Variants in CSMD1 observed in about 807,000 individuals in gnomAD.
CSMD1 encodes CUB and sushi domain-containing protein 1.
CSMD1 carries 213 observed loss-of-function variants against 417.5 expected under a neutral mutation model. That is an observed-to-expected ratio of 0.51 (90% CI 0.46 to 0.57). CSMD1 has a LOEUF of 0.57. Among genes scored for constraint, CSMD1 ranks in the 20% least tolerant of loss-of-function variants. The pLI is 0.00. For missense variants in CSMD1, 6,923 were observed against 4,529.7 expected (o/e 1.53, Z -15.17); for synonymous variants, 2,862 against 1,736.8 (o/e 1.65, Z -16.11).
chr8:4,162,724 AAT>A, intron 3 of CSMD1, among the ~76,000 whole-genome samples: 2 of 152,158 alleles, frequency 1.3e-5, no homozygotes, highest in African/African-American at 4.8e-5. Flanking sequence ...CATTTGTTCC[AAT>A]CGATGAACTT....
intron 16 of CSMD1, among the ~76,000 whole-genome samples, chr8:3,396,648 AC>A (rs1275612413): frequency 6.6e-6 from 1 of 152,188 alleles, no homozygotes; most frequent in African/African-American, 2.4e-5. Flanking sequence ...TTCAGCTTAA[AC>A]AAAAATACTA....
chr8:3,611,151 G>T (rs1043025837), intron 8 of CSMD1, among the ~76,000 whole-genome samples: 1 of 151,460 alleles, frequency 6.6e-6, no homozygotes, highest in African/African-American at 2.4e-5. Flanking sequence ...GTTAATGGCT[G>T]CAGCACACCA....
At position 4,132,361 on chromosome 8, in the gene CSMD1, G is replaced by C. The variant is rs920330935; in HGVS notation, c.416-100262C>G. 9.9e-5 allele frequency among the ~76,000 whole-genome samples: 15 copies of C among 152,164 alleles called. No individual in the cohort carries two copies. The East Asian group carries it at 1.9e-3, about 20-fold the overall frequency. On this transcript the variant is annotated intron_variant, in intron 3 of 69. Transcript: ENST00000635120. ...AATGTCCTTTTCTGTATTTCTTGTA[G>C]AATACATCTTGACTTTGTGCCTATT...
intron 2 of CSMD1, among the ~76,000 whole-genome samples, chr8:4,466,010 C>A (rs937487026): frequency 5.3e-5 from 8 of 152,170 alleles, no homozygotes; most frequent in Non-Finnish European, 1.2e-4. Context: ...TAAAGATGTG[C>A]AATCACATTT....
At chr8:4,753,549 C>A (rs17418933) in intron 1 of CSMD1, among the ~76,000 whole-genome samples, 42,245 of 151,828 alleles carry the variant, frequency 0.28, 6,750 homozygotes, top group Admixed American at 0.44. Context: ...GTCTTGGGTT[C>A]ATGATTGCAC....
intron 3 of CSMD1, among the ~76,000 whole-genome samples, chr8:4,228,891 A>G (rs1801530563): frequency 6.6e-6 from 1 of 152,216 alleles, no homozygotes; most frequent in East Asian, 1.9e-4. Flanking sequence ...CAAGTTGGCC[A>G]GGCTGGTCTT....
chr8:3,897,365 C>T (rs370860102), intron 5 of CSMD1, among the ~76,000 whole-genome samples: 9 of 152,254 alleles, frequency 5.9e-5, no homozygotes, highest in African/African-American at 2.2e-4. Flanking sequence ...AACAGTGATT[C>T]CTACATTTGA....
chr8:3,649,891 A>G (rs1209256624), intron 7 of CSMD1, among the ~76,000 whole-genome samples: 1 of 152,204 alleles, frequency 6.6e-6, no homozygotes, highest in Non-Finnish European at 1.5e-5. Context: ...TTTGAATACT[A>G]TCTAGCCCAG....
intron 3 of CSMD1, among the ~76,000 whole-genome samples, chr8:4,311,400 C>G (rs566834578): frequency 2.1e-4 from 32 of 152,248 alleles, no homozygotes; most frequent in Non-Finnish European, 4.1e-4. Context: ...AATGCAGGAA[C>G]AGAAAACCAA....
At chr8:4,459,376 A>G (rs183919989) in intron 2 of CSMD1, among the ~76,000 whole-genome samples, 98 of 152,362 alleles carry the variant, frequency 6.4e-4, no homozygotes, top group Admixed American at 3.6e-3. Context: ...TTTACTCATG[A>G]AACAAGAATG....
chr8:3,399,463 T>C lies in CSMD1; in HGVS notation c.2333A>G (p.Tyr778Cys). ...CCATTCACAATGTAAAGAATCCTTA[T>C]AATATCCTGGCCATCCAGGAGGCAA... is the stretch of plus-strand genomic sequence containing the variant. ...VILPPGWPGY[Y>C]KDSLHCEWII... is the part of the protein sequence containing the mutation. The change falls in exon 16 of 70, where the codon TAT (tyrosine) becomes TGT (cysteine). Residue 778 changes from tyrosine (Y) to cysteine (C), a missense_variant. By Grantham distance (194) the Tyr-to-Cys change is radical. Coordinates refer to ENST00000635120, the MANE Select transcript of CSMD1 (RefSeq NM_033225.6). The C allele has an allele frequency of 1.9e-6, 3 of 1,610,560 alleles. No individual in the cohort carries two copies. Among genetic ancestry groups the C allele is most frequent in the Non-Finnish European group, 2.5e-6 (3 of 1,178,322 alleles).
intron 12 of CSMD1, among the ~76,000 whole-genome samples, chr8:3,433,770 T>C (rs1406021811): frequency 1.3e-5 from 2 of 152,216 alleles, no homozygotes; most frequent in Non-Finnish European, 2.9e-5. Flanking sequence ...TTTCCCTACG[T>C]AAGACTTCAG....
chr8:3,971,361 C>T (rs1011118452), intron 5 of CSMD1, among the ~76,000 whole-genome samples: 2 of 152,096 alleles, frequency 1.3e-5, no homozygotes, highest in African/African-American at 4.8e-5. Flanking sequence ...CTGTAATGTT[C>T]TGAAAATATA....
chr8:2,943,637 A>G (rs1802035810), intron 68 of CSMD1, among the ~76,000 whole-genome samples: 1 of 152,220 alleles, frequency 6.6e-6, no homozygotes. Context: ...CATGGCACTG[A>G]GAGGAAAGCA....
chr8:3,841,220 T>C (rs1275180260), intron 5 of CSMD1, among the ~76,000 whole-genome samples: 1 of 152,296 alleles, frequency 6.6e-6, no homozygotes, highest in South Asian at 2.1e-4. Context: ...TCAATAAACT[T>C]GTTTGGAAAG....
At chr8:3,267,271 C>T (rs997054967) in intron 26 of CSMD1, among the ~76,000 whole-genome samples, 1 of 152,196 alleles carries the variant, frequency 6.6e-6, no homozygotes, top group African/African-American at 2.4e-5. Context: ...GAAGGGAAAC[C>T]CCCTGATAGC....
chr8:4,009,523 T>G (rs1387252791), intron 4 of CSMD1, among the ~76,000 whole-genome samples: 1 of 152,256 alleles, frequency 6.6e-6, no homozygotes, highest in East Asian at 1.9e-4. Context: ...ATTCCTTCAG[T>G]GAATTTCTAA....
At chr8:3,379,106 G>C (rs918745308) in intron 18 of CSMD1, among the ~76,000 whole-genome samples, 2 of 152,062 alleles carry the variant, frequency 1.3e-5, no homozygotes, top group Admixed American at 6.6e-5. Flanking sequence ...ATAAATAATA[G>C]ACAAACAGAG....
chr8:4,027,553 T>C (rs1478627798), intron 4 of CSMD1, among the ~76,000 whole-genome samples: 1 of 152,146 alleles, frequency 6.6e-6, no homozygotes, highest in Non-Finnish European at 1.5e-5. Context: ...TGTGAAAACG[T>C]GCCTTCCATC....
Sources: gnomAD v4.1 joint callset for allele counts (sites outside exome capture counted in the v4.1 genomes callset) on GRCh38, gnomAD v4.1.1 for gene constraint, MANE v1.5 for transcripts, NCBI Gene and HGNC (gene_info 2026-07-23, HGNC 2026-07-21) for gene names.